The following MTRF1 variants were observed in gnomAD, a reference collection of about 807,000 sequenced individuals.
MTRF1 encodes mitochondrial translation release factor 1, also known as peptide chain release factor 1, mitochondrial.
In MTRF1, 51 loss-of-function variants were observed where a neutral mutation model predicts 62.9. The ratio of observed to expected loss-of-function variants is 0.81; its 90% CI spans 0.65 to 1.02. The LOEUF (loss-of-function observed/expected upper bound fraction) is 1.02, where lower values mean the gene tolerates loss of function less well. MTRF1 is among the 50% of genes least tolerant of loss of function. MTRF1 has a pLI of 0.00. For missense variants in MTRF1, 446 were observed against 530.0 expected (o/e 0.84, Z 1.56); for synonymous variants, 158 against 181.9 (o/e 0.87, Z 1.06).
intron 5 of MTRF1, among the ~76,000 whole-genome samples, chr13:41,246,546 G>A (rs1223094014): frequency 6.6e-6 from 1 of 152,102 alleles, no homozygotes; most frequent in African/African-American, 2.4e-5. Flanking sequence ...GTCCAACATA[G>A]CTGATCTTCC....
At chr13:41,308,796 T>A in the MTRF1 span, among the ~76,000 whole-genome samples, 1 of 152,136 alleles carries the variant, frequency 6.6e-6, no homozygotes, top group Non-Finnish European at 1.5e-5. Flanking sequence ...GTTGTGGGGG[T>A]TTGGTGTACA....
chr13:41,220,509 G>T, intron 9 of MTRF1: 2 of 1,055,298 alleles, frequency 1.9e-6, no homozygotes, highest in Non-Finnish European at 2.6e-6. Flanking sequence ...GTGCTTATTA[G>T]CTCGATAAAT....
the MTRF1 span, among the ~76,000 whole-genome samples, chr13:41,292,400 C>T: frequency 4.0e-5 from 6 of 151,656 alleles, no homozygotes; most frequent in Admixed American, 6.6e-5. Context: ...CTGGCTAATA[C>T]GGTGAAACCC....
the MTRF1 span, chr13:41,311,126 G>T: frequency 3.5e-6 from 1 of 283,806 alleles, no homozygotes. Flanking sequence ...CGAGATTGCG[G>T]CGAGGAGAGC....
At chr13:41,289,273 C>T in the MTRF1 span, among the ~76,000 whole-genome samples, 17 of 134,652 alleles carry the variant, frequency 1.3e-4, no homozygotes, top group Admixed American at 1.3e-3. Context: ...CTCGCTCTGT[C>T]ACCCAGGCTG....
the MTRF1 span, among the ~76,000 whole-genome samples, chr13:41,291,506 TTTAGCGACTTTCTCCC>T: frequency 4.6e-5 from 7 of 152,114 alleles, no homozygotes; most frequent in Non-Finnish European, 1.0e-4. Context: ...TTGAAAAAGA[TTTAGCGACTTTCTCCC>T]TTTCACCTCC....
Position 41,260,588 on chromosome 13 carries a change from T to C in MTRF1, c.320A>G (p.Asn107Ser), listed in dbSNP as rs1470165579. 1 of 1,614,194 alleles carries C rather than the reference T, an allele frequency of 6.2e-7. No individual in the cohort carries two copies. The highest frequency in any genetic ancestry group is 1.1e-5 in the South Asian group (1 of 91,078). Residue 107 changes from asparagine (N) to serine (S), a missense_variant, in exon 2 of 10, where the codon AAC becomes AGC. Physicochemically the swap from Asn to Ser is conservative, Grantham distance 46. Transcript: ENST00000379480. ...AGGTGCCAACTCAGCATGCCTTCTG[T>C]TCAAGGACCTTCGGTTTTCCTCATT... The part of the protein sequence containing the change: ...PVNEENRRSL[N>S]RRHAELAPLA...
Position 41,257,790 on chromosome 13 carries a change from T to C in MTRF1, c.415+2703A>G, listed in dbSNP as rs748886564. Reference sequence around the variant, plus strand: ...TCCAGCCTGGGCCACAGAGCAAGACTCTGTCTCTTAAAAGAAACAAAAAGG... The same window carrying C: ...TCCAGCCTGGGCCACAGAGCAAGACCCTGTCTCTTAAAAGAAACAAAAAGG... On this transcript the variant is annotated intron_variant, in intron 2 of 9. Coordinates refer to ENST00000379480, the MANE Select transcript of MTRF1 (RefSeq NM_004294.4). 8 of 450,388 alleles carry C rather than the reference T, an allele frequency of 1.8e-5. No homozygotes were observed. In the East Asian group the frequency reaches 5.6e-4, roughly 31 times the overall value. The allele number at this position is 450,388 out of a possible 1,614,324, so 27.9% of individuals were successfully genotyped here.
intron 7 of MTRF1, among the ~76,000 whole-genome samples, chr13:41,227,343 C>T (rs1244854419): frequency 6.6e-6 from 1 of 151,930 alleles, no homozygotes; most frequent in Non-Finnish European, 1.5e-5. Flanking sequence ...TGAAAAGACG[C>T]TACTCAGAGT....
At chr13:41,283,729 A>C in the MTRF1 span, among the ~76,000 whole-genome samples, 2 of 149,078 alleles carry the variant, frequency 1.3e-5, no homozygotes, top group Non-Finnish European at 3.0e-5. Context: ...AGCTGGGACC[A>C]CAGGCGCCCG....
Position 41,252,995 on chromosome 13 carries a change from G to C in MTRF1, c.543C>G (p.Asp181Glu). The C allele has an allele frequency of 6.2e-7, 1 of 1,607,498 alleles. No homozygotes were observed. ...FQSLVPKEKY[D>E]KNDVILEVTA... ...TCACCTCTAAAATAACATCATTTTT[G>C]TCATATTTCTCCTTTGGCACAAGGC... The change falls in exon 4 of 10, where the codon GAC becomes GAG. Residue 181 changes from aspartate to glutamate, a missense_variant. Asp to Glu is a conservative substitution (Grantham distance 45). Coordinates refer to ENST00000379480, the MANE Select transcript of MTRF1 (RefSeq NM_004294.4).
At chr13:41,311,198 C>G in the MTRF1 span, 3 of 466,902 alleles carry the variant, frequency 6.4e-6, no homozygotes, top group Non-Finnish European at 3.8e-6. Context: ...ACCCGCAGCC[C>G]CTCGCCAAAG....
chr13:41,254,229 CCT>C (rs1221784394), intron 3 of MTRF1, among the ~76,000 whole-genome samples: 2 of 152,202 alleles, frequency 1.3e-5, no homozygotes, highest in African/African-American at 2.4e-5. Context: ...CTCTTAAAAT[CCT>C]CTGACTCTTC....
chr13:41,259,839 A>C (rs2040226966), intron 2 of MTRF1, among the ~76,000 whole-genome samples: 1 of 152,156 alleles, frequency 6.6e-6, no homozygotes. Flanking sequence ...TGCTCCCATG[A>C]AACTGTGCCT....
the MTRF1 span, among the ~76,000 whole-genome samples, chr13:41,270,488 G>A: frequency 0.62 from 94,538 of 151,904 alleles, 29,759 homozygotes; most frequent in Admixed American, 0.65. Flanking sequence ...ACAGATTCAT[G>A]AACAGCTTTT....
chr13:41,227,601 C>T (rs2034687309), intron 7 of MTRF1, among the ~76,000 whole-genome samples: 1 of 152,208 alleles, frequency 6.6e-6, no homozygotes, highest in Non-Finnish European at 1.5e-5. Context: ...GCAGCTACCA[C>T]TCTGAGGTCC....
the MTRF1 span, among the ~76,000 whole-genome samples, chr13:41,278,161 G>T: frequency 6.6e-6 from 1 of 152,278 alleles, no homozygotes; most frequent in East Asian, 1.9e-4. Flanking sequence ...CCTCTTTCAA[G>T]GTGTTAATGC....
chr13:41,308,437 A>G, the MTRF1 span, among the ~76,000 whole-genome samples: 1 of 152,178 alleles, frequency 6.6e-6, no homozygotes, highest in East Asian at 1.9e-4. Flanking sequence ...GATGTAGATA[A>G]ATGACAATGT....
At chr13:41,226,039 T>C (rs1174551129) in intron 8 of MTRF1, among the ~76,000 whole-genome samples, 1 of 152,150 alleles carries the variant, frequency 6.6e-6, no homozygotes, top group Non-Finnish European at 1.5e-5. Context: ...CCCAGTTTTT[T>C]GCAGTGCCAT....
Sources: allele counts gnomAD v4.1 joint callset (sites outside exome capture counted in the v4.1 genomes callset), GRCh38; gene constraint gnomAD v4.1.1; transcripts MANE v1.5; gene names NCBI Gene and HGNC (gene_info 2026-07-23, HGNC 2026-07-21).